Variants in LHFPL3 observed in about 807,000 individuals in gnomAD.
LHFPL3 encodes the protein LHFPL tetraspan subfamily member 3 protein.
LHFPL3 carries 5 observed loss-of-function variants against 19.3 expected under a neutral mutation model. The ratio of observed to expected loss-of-function variants is 0.26; its 90% confidence interval spans 0.14 to 0.54. LHFPL3 has a LOEUF of 0.54. Among genes scored for constraint, LHFPL3 ranks in the 20% least tolerant of loss-of-function variants. The pLI, the probability that LHFPL3 is intolerant of heterozygous loss-of-function variation, is 0.94. For missense variants in LHFPL3, 249 were observed against 307.4 expected (o/e 0.81, Z 1.42); for synonymous variants, 133 against 126.2 (o/e 1.05, Z -0.36).
intron 1 of LHFPL3, chr7:104,669,522 T>C (rs1254234872): frequency 6.2e-7 from 1 of 1,611,782 alleles, no homozygotes; most frequent in African/African-American, 1.3e-5. Flanking sequence ...GCAAGTATGC[T>C]GCTCTCTCTG....
At chr7:104,735,470 T>C (rs1197585201) in intron 1 of LHFPL3, among the ~76,000 whole-genome samples, 1 of 152,200 alleles carries the variant, frequency 6.6e-6, no homozygotes, top group African/African-American at 2.4e-5. Flanking sequence ...CTCAGACTGC[T>C]GTGCTAGCAA....
At chr7:104,728,432 T>A (rs1584500284) in intron 1 of LHFPL3, among the ~76,000 whole-genome samples, 2 of 152,304 alleles carry the variant, frequency 1.3e-5, no homozygotes, top group South Asian at 4.1e-4. Flanking sequence ...CTTTGCACCC[T>A]CAGTGTGATC....
intron 1 of LHFPL3, among the ~76,000 whole-genome samples, chr7:104,343,571 A>G (rs1447243942): frequency 2.1e-5 from 3 of 144,488 alleles, no homozygotes; most frequent in Non-Finnish European, 4.5e-5. Flanking sequence ...GAATTTATAC[A>G]ATGAAAGAGA....
At chr7:104,351,232 C>G (rs187444582) in intron 1 of LHFPL3, among the ~76,000 whole-genome samples, 1 of 152,192 alleles carries the variant, frequency 6.6e-6, no homozygotes, top group East Asian at 1.9e-4. Flanking sequence ...AGAGAAATCC[C>G]TTCTCTTCCA....
intron 2 of LHFPL3, among the ~76,000 whole-genome samples, chr7:104,800,543 C>T (rs1255412893): frequency 2.0e-5 from 3 of 152,190 alleles, no homozygotes; most frequent in Non-Finnish European, 2.9e-5. Context: ...TCTTGATCTC[C>T]AAACCCTCTT....
intron 1 of LHFPL3, among the ~76,000 whole-genome samples, chr7:104,555,093 C>G (rs1305584493): frequency 6.6e-6 from 1 of 152,212 alleles, no homozygotes; most frequent in Non-Finnish European, 1.5e-5. Context: ...ACCAACTCAC[C>G]TGCCATTCTC....
intron 2 of LHFPL3, among the ~76,000 whole-genome samples, chr7:104,880,037 C>CA (rs531448501): frequency 0.011 from 1,510 of 142,454 alleles, 19 homozygotes; most frequent in African/African-American, 0.03. Flanking sequence ...TCTGTCTCTT[C>CA]AAAAAAAAAA....
chr7:104,338,042 C>T lies in LHFPL3; in HGVS notation c.445+8818C>T, dbSNP rs149195410. On this transcript the variant is annotated intron_variant, in intron 1 of 2. Transcript: ENST00000424859. Reference sequence around the variant, plus strand: ...TTGGATTAAAAGAGAGTAGAAAATACGAATGCAAGGCATATAAAAAGGGTC... The same window carrying T: ...TTGGATTAAAAGAGAGTAGAAAATATGAATGCAAGGCATATAAAAAGGGTC... Among the ~76,000 whole-genome samples the T allele has an allele frequency of 3.6e-3, 540 of 149,634 alleles. 3 individuals are homozygous for T. The highest frequency in any genetic ancestry group is 0.012 in the African/African-American group (500 of 40,688).
intron 1 of LHFPL3, among the ~76,000 whole-genome samples, chr7:104,586,691 C>T (rs1362025399): frequency 6.6e-6 from 1 of 152,090 alleles, no homozygotes; most frequent in African/African-American, 2.4e-5. Flanking sequence ...GCATTGTCTA[C>T]ACACTGAATT....
chr7:104,535,913 C>T (rs1297066383), intron 1 of LHFPL3, among the ~76,000 whole-genome samples: 1 of 152,206 alleles, frequency 6.6e-6, no homozygotes, highest in Non-Finnish European at 1.5e-5. Flanking sequence ...CGAGTGCCAT[C>T]GGCACATACC....
At chr7:104,360,694 CGTGTGTGTGTGTGT>C (rs61216282) in intron 1 of LHFPL3, among the ~76,000 whole-genome samples, 44,557 of 144,392 alleles carry the variant, frequency 0.31, 7,233 homozygotes, top group East Asian at 0.56. Context: ...AAAGTGCTTC[CGTGTGTGTGTGTGT>C]GTGTGTGTGT....
chr7:104,656,605 G>A (rs1451513185), intron 1 of LHFPL3, among the ~76,000 whole-genome samples: 1 of 152,124 alleles, frequency 6.6e-6, no homozygotes, highest in African/African-American at 2.4e-5. Context: ...TAAAAGGGTG[G>A]CCCTTTGAAA....
chr7:104,418,997 A>G (rs1272908152), intron 1 of LHFPL3, among the ~76,000 whole-genome samples: 1 of 152,246 alleles, frequency 6.6e-6, no homozygotes, highest in Non-Finnish European at 1.5e-5. Flanking sequence ...CAGAGAGGTT[A>G]TACAATTTAC....
chr7:104,754,948 C>A (rs76551912), intron 2 of LHFPL3, among the ~76,000 whole-genome samples: 2,077 of 152,176 alleles, frequency 0.014, 31 homozygotes, highest in East Asian at 0.054. Context: ...GGGCAGAGTG[C>A]GGTTCATCTA....
At chr7:104,473,005 TAAAAG>T (rs1187465260) in intron 1 of LHFPL3, among the ~76,000 whole-genome samples, 1 of 152,134 alleles carries the variant, frequency 6.6e-6, no homozygotes, top group Non-Finnish European at 1.5e-5. Flanking sequence ...ATGATACTAA[TAAAAG>T]AAATTCAAAA....
chr7:104,594,233 G>C (rs1790791967), intron 1 of LHFPL3, among the ~76,000 whole-genome samples: 1 of 152,086 alleles, frequency 6.6e-6, no homozygotes, highest in South Asian at 2.1e-4. Context: ...CAGGCCTGGT[G>C]GTGACAAAAA....
At chr7:104,667,846 A>C (rs1301566221) in intron 1 of LHFPL3, 4 of 1,611,588 alleles carry the variant, frequency 2.5e-6, no homozygotes, top group Non-Finnish European at 3.4e-6. Flanking sequence ...GGAAGCACCT[A>C]TGTTTCCAAA....
At chr7:104,631,728 T>C (rs1791645711) in intron 1 of LHFPL3, among the ~76,000 whole-genome samples, 1 of 152,194 alleles carries the variant, frequency 6.6e-6, no homozygotes, top group Admixed American at 6.6e-5. Flanking sequence ...AAGATAGTCA[T>C]GAACTACAGC....
intron 1 of LHFPL3, among the ~76,000 whole-genome samples, chr7:104,402,264 C>T (rs6465985): frequency 0.34 from 51,806 of 152,028 alleles, 9,206 homozygotes; most frequent in Admixed American, 0.48. Flanking sequence ...TCTTCTCAAT[C>T]CACCAACATC....
Sources: gnomAD v4.1 joint callset for allele counts (sites outside exome capture counted in the v4.1 genomes callset) on GRCh38, gnomAD v4.1.1 for gene constraint, MANE v1.5 for transcripts, NCBI Gene and HGNC (gene_info 2026-07-23, HGNC 2026-07-21) for gene names.